Variants in CRPPA observed in about 807,000 individuals in gnomAD.
CRPPA encodes the protein CDP-L-ribitol pyrophosphorylase A.
A neutral mutation model predicts 52.0 loss-of-function variants in CRPPA; 43 were observed. The observed-to-expected ratio is 0.83, with a 90% CI of 0.65 to 1.07. The LOEUF (loss-of-function observed/expected upper bound fraction) is 1.07, where lower values mean the gene tolerates loss of function less well. Ranked by LOEUF, CRPPA falls within the 50% of genes least tolerant of loss-of-function variation. The pLI is 0.00. For synonymous variants in CRPPA, 250 were observed against 203.5 expected, an observed-to-expected ratio of 1.23 and a Z score of -1.94; for missense variants, 629 against 551.7, an observed-to-expected ratio of 1.14 and a Z score of -1.40.
At chr7:16,305,357 C>T (rs1784885099) in intron 4 of CRPPA, among the ~76,000 whole-genome samples, 1 of 152,154 alleles carries the variant, frequency 6.6e-6, no homozygotes, top group Non-Finnish European at 1.5e-5. Context: ...AAGACATTTT[C>T]CCCAATCCAG....
chr7:16,284,884 G>A lies in CRPPA; in HGVS notation c.836-6658C>T, dbSNP rs1218690434. 2.6e-5 allele frequency among the ~76,000 whole-genome samples: 4 copies of A among 152,030 alleles called. No homozygotes were observed. In the South Asian group the frequency reaches 6.2e-4, roughly 24 times the overall value. ...CTTGTACCACGTGTTTGGAAGTTCA[G>A]AATAGAAAAAATATATAACTATGGG... On this transcript the variant is annotated intron_variant, in intron 5 of 9. Coordinates refer to ENST00000407010, the MANE Select transcript of CRPPA (RefSeq NM_001101426.4).
chr7:16,185,998 G>C (rs955357282), intron 9 of CRPPA, among the ~76,000 whole-genome samples: 1 of 152,110 alleles, frequency 6.6e-6, no homozygotes, highest in Non-Finnish European at 1.5e-5. Context: ...CCATAATATA[G>C]TTTATAGCAG....
rs1230810319 is a variant in CRPPA, at chr7:16,090,049, C to T, written c.*1646G>A. ...CTGTGGTTTTCGTCACACACACAGC[C>T]GACATCTGAACAAAGGCACAGACAT... On this transcript the variant is annotated 3_prime_UTR_variant, in exon 10 of 10. Coordinates refer to ENST00000407010, the MANE Select transcript of CRPPA (RefSeq NM_001101426.4). 1.3e-5 allele frequency: 2 copies of T among 152,628 alleles called. No individual in the cohort carries two copies. The highest frequency in any genetic ancestry group is 2.4e-5 in the African/African-American group (1 of 41,404). 9.5% of individuals were successfully genotyped at this position (152,628 alleles called of 1,614,324 possible). A position where few individuals can be genotyped will look rare whatever the true frequency, so the allele number is the denominator to read the frequency against.
intron 8 of CRPPA, among the ~76,000 whole-genome samples, chr7:16,242,144 T>C (rs1232301225): frequency 6.6e-5 from 10 of 151,682 alleles, no homozygotes. Flanking sequence ...TTAGTAGAGA[T>C]GGGATTTTAC....
At chr7:16,161,016 T>A (rs1783292424) in intron 9 of CRPPA, among the ~76,000 whole-genome samples, 1 of 152,204 alleles carries the variant, frequency 6.6e-6, no homozygotes, top group South Asian at 2.1e-4. Context: ...TGATTTTGTA[T>A]CCTGAGACTT....
At position 16,089,291 on chromosome 7, in the gene CRPPA, C is replaced by T. The variant is rs191022176; in HGVS notation, c.*2404G>A. 85 of 379,558 alleles carry T rather than the reference C, an allele frequency of 2.2e-4. 1 individual carries two copies. The East Asian group carries it at 3.6e-3, about 16-fold the overall frequency. The allele number at this position is 379,558 out of a possible 1,614,324, so 23.5% of individuals were successfully genotyped here. A position where few individuals can be genotyped will look rare whatever the true frequency, so the allele number is the denominator to read the frequency against. On this transcript the variant is annotated 3_prime_UTR_variant, in exon 10 of 10. Coordinates refer to ENST00000407010, the MANE Select transcript of CRPPA (RefSeq NM_001101426.4). Reference sequence around the variant, plus strand: ...ATATACATATATGTGTGTATGCGTACGTATATACATATATGTGTGTATGCG... The same window carrying T: ...ATATACATATATGTGTGTATGCGTATGTATATACATATATGTGTGTATGCG...
At chr7:16,209,051 AG>A in intron 9 of CRPPA, 2 of 429,144 alleles carry the variant, frequency 4.7e-6, no homozygotes, top group East Asian at 6.2e-5. Context: ...CTGTATGCCC[AG>A]GGGAAGTGGT....
intron 5 of CRPPA, among the ~76,000 whole-genome samples, chr7:16,296,240 C>G (rs1583499367): frequency 6.6e-6 from 1 of 151,944 alleles, no homozygotes; most frequent in South Asian, 2.1e-4. Context: ...TGCTATCTAC[C>G]ACAATTTGGA....
chr7:16,144,865 C>G lies in CRPPA; in HGVS notation c.1252-53066G>C, dbSNP rs73681742. Among the ~76,000 whole-genome samples the G allele has an allele frequency of 3.3e-3, 505 of 152,292 alleles. 3 individuals carry two copies. The highest frequency in any genetic ancestry group is 0.011 in the African/African-American group (462 of 41,574). On this transcript the variant is annotated intron_variant, in intron 9 of 9. Transcript: ENST00000407010. ...CTAGCTGCGCTGTCAGGTAAAATAC[C>G]TGTGTCAGTGTACTTCTTTCATCTG...
intron 3 of CRPPA, among the ~76,000 whole-genome samples, chr7:16,323,939 C>T (rs973816752): frequency 2.0e-5 from 3 of 152,026 alleles, no homozygotes; most frequent in Admixed American, 6.6e-5. Context: ...TAGAGAAAAG[C>T]AAAGAAATTA....
At chr7:16,210,859 A>T (rs1782116003) in intron 9 of CRPPA, among the ~76,000 whole-genome samples, 1 of 152,114 alleles carries the variant, frequency 6.6e-6, no homozygotes, top group Admixed American at 6.6e-5. Context: ...AAAAAAAAGG[A>T]AAGATCTGGG....
Position 16,284,487 on chromosome 7 carries a change from T to C in CRPPA, c.836-6261A>G, listed in dbSNP as rs576440914. Among the ~76,000 whole-genome samples, 5 of 152,110 alleles carry C rather than the reference T, an allele frequency of 3.3e-5. No homozygotes were observed. The South Asian group carries it at 6.2e-4, about 19-fold the overall frequency. ...AAGAACATAAATTGAAATAACTTTGTCCGTGCAAAATATGATCAGTTTCTG... is the reference window on the plus strand; with the variant it reads ...AAGAACATAAATTGAAATAACTTTGCCCGTGCAAAATATGATCAGTTTCTG... On this transcript the variant is annotated intron_variant, in intron 5 of 9. Coordinates refer to ENST00000407010, the MANE Select transcript of CRPPA (RefSeq NM_001101426.4).
chr7:16,393,739 T>A (rs1787499125), intron 2 of CRPPA, among the ~76,000 whole-genome samples: 1 of 152,110 alleles, frequency 6.6e-6, no homozygotes, highest in Admixed American at 6.5e-5. Flanking sequence ...GATTAAAAAA[T>A]GCTTATTTAT....
At chr7:16,332,528 T>C (rs1785576581) in intron 3 of CRPPA, among the ~76,000 whole-genome samples, 1 of 152,162 alleles carries the variant, frequency 6.6e-6, no homozygotes, top group Non-Finnish European at 1.5e-5. Flanking sequence ...CTGCAGGGAA[T>C]GATAAAGACT....
At chr7:16,337,977 T>A (rs1328677838) in intron 3 of CRPPA, among the ~76,000 whole-genome samples, 1 of 152,104 alleles carries the variant, frequency 6.6e-6, no homozygotes, top group Non-Finnish European at 1.5e-5. Flanking sequence ...ACAGAGGGGA[T>A]ATTTTCAAAC....
chr7:16,190,697 G>C (rs963437690), intron 9 of CRPPA, among the ~76,000 whole-genome samples: 1 of 152,016 alleles, frequency 6.6e-6, no homozygotes, highest in Non-Finnish European at 1.5e-5. Context: ...TGATTTCTGA[G>C]ATTTTAGTGC....
At chr7:16,263,267 A>T (rs1205428656) in intron 6 of CRPPA, among the ~76,000 whole-genome samples, 1 of 152,176 alleles carries the variant, frequency 6.6e-6, no homozygotes, top group Non-Finnish European at 1.5e-5. Flanking sequence ...TTCAAATCCT[A>T]GCCACCCATT....
At chr7:16,114,307 C>A (rs1399130422) in intron 9 of CRPPA, among the ~76,000 whole-genome samples, 1 of 151,502 alleles carries the variant, frequency 6.6e-6, no homozygotes, top group Non-Finnish European at 1.5e-5. Flanking sequence ...CACACACACA[C>A]ACACACACAC....
At chr7:16,407,563 A>G (rs1180975458) in intron 1 of CRPPA, among the ~76,000 whole-genome samples, 1 of 152,176 alleles carries the variant, frequency 6.6e-6, no homozygotes, top group East Asian at 1.9e-4. Context: ...ATTTTTAAAG[A>G]TATGGAAGGG....
Sources: allele counts gnomAD v4.1 joint callset (sites outside exome capture counted in the v4.1 genomes callset), GRCh38; gene constraint gnomAD v4.1.1; transcripts MANE v1.5; gene names NCBI Gene and HGNC (gene_info 2026-07-23, HGNC 2026-07-21).